Variants in BAHCC1 observed in about 807,000 individuals in gnomAD.
BAHCC1 encodes the protein BAH domain and coiled-coil containing 1, also known as BAH and coiled-coil domain-containing protein 1.
Under a neutral mutation model 88.2 loss-of-function variants are expected in BAHCC1, and 43 were observed. The ratio of observed to expected loss-of-function variants is 0.49; its 90% CI spans 0.38 to 0.63. The LOEUF is 0.63. Among genes scored for constraint, BAHCC1 ranks in the 20% least tolerant of loss-of-function variants. The pLI is 0.00. For missense variants in BAHCC1, 3,023 were observed against 1,654.8 expected, an observed-to-expected ratio of 1.83 and a Z score of -14.34; for synonymous variants, 1,510 against 745.5, an observed-to-expected ratio of 2.03 and a Z score of -16.71.
chr17:81,463,589 G>GC (rs782249828), intron 27 of BAHCC1, 22 bp from the exon 28 acceptor site: 18 of 778,618 alleles, frequency 2.3e-5, no homozygotes, highest in Non-Finnish European at 3.8e-5. Context: ...GGCCACTGAT[G>GC]CCCCGCGCGC....
intron 1 of BAHCC1, among the ~76,000 whole-genome samples, chr17:81,398,535 G>T (rs1419599080): frequency 6.6e-6 from 1 of 152,208 alleles, no homozygotes; most frequent in African/African-American, 2.4e-5. Context: ...CGCGGTCCCC[G>T]GCAGGCGCTG....
At chr17:81,400,191 C>T (rs1300151733) in intron 2 of BAHCC1, among the ~76,000 whole-genome samples, 2 of 152,168 alleles carry the variant, frequency 1.3e-5, no homozygotes, top group Admixed American at 1.3e-4. Flanking sequence ...CGCGCCTCGC[C>T]ACCCTCCCCC....
At position 81,424,570 on chromosome 17, in the gene BAHCC1, T is replaced by G. The variant is rs557182597; in HGVS notation, c.179-2230T>G. On this transcript the variant is annotated intron_variant, in intron 2 of 27. Transcript: ENST00000675386. ...GATTGGTGATTGATGATGATATGGT[T>G]GTTGTGGTTGGTGATGGTGGTGGTG... Among the ~76,000 whole-genome samples the G allele has an allele frequency of 8.5e-5, 13 of 152,172 alleles. No individual in the cohort carries two copies. The South Asian group carries it at 1.9e-3, about 22-fold the overall frequency.
In BAHCC1 at chr17:81,399,010, T is replaced by A. The variant is rs1037866849; in HGVS notation, c.-206-524T>A. Among the ~76,000 whole-genome samples the A allele has an allele frequency of 2.6e-5, 4 of 151,288 alleles. No homozygotes were observed. Among genetic ancestry groups the A allele is most frequent in the Non-Finnish European group, 2.9e-5 (2 of 67,902 alleles). On this transcript the variant is annotated intron_variant, in intron 1 of 27. Coordinates refer to ENST00000675386, the MANE Select transcript of BAHCC1 (RefSeq NM_001377448.1). The surrounding 1 kb of genome is among the most constrained non-coding windows in gnomAD (Gnocchi z 4.5). ...AGCATGGTTATTCGGTTAAGCGGAA[T>A]GCAGTAAAAGCTGGACCTCGGCATG...
Position 81,461,326 on chromosome 17 carries a change from G to A in BAHCC1, c.6663G>A (p.Lys2221=), listed in dbSNP as rs1555659273. Residue 2221 remains lysine, a synonymous_variant, in exon 26 of 28, where the codon AAG becomes AAA. Transcript: ENST00000675386. The part of the protein sequence containing the change: ...DHEGVTSPKN[K]TCKALLMGDK... ...AGGGTGTGACCTCCCCCAAGAACAA[G>A]ACCTGCAAGGCGTTGCTCATGGGGG... is the stretch of plus-strand genomic sequence containing the variant. 1.4e-6 allele frequency: 1 copy of A among 731,374 alleles called. No homozygotes were observed. The highest frequency in any genetic ancestry group is 1.5e-5 in the South Asian group (1 of 67,876). The allele number at this position is 731,374 out of a possible 1,614,324, so 45.3% of individuals were successfully genotyped here.
At chr17:81,413,347 G>A (rs528890223) in intron 2 of BAHCC1, among the ~76,000 whole-genome samples, 2 of 152,234 alleles carry the variant, frequency 1.3e-5, no homozygotes, top group South Asian at 4.1e-4. Context: ...TGGAAGCCTC[G>A]CTCCTTCTCA....
Position 81,451,744 on chromosome 17 carries a change from C to T in BAHCC1, c.4053C>T (p.Ala1351=), listed in dbSNP as rs61746096. ...TLATAWSLVE[A]AGLDSSTAPA... The stretch of plus-strand genomic sequence containing the variant: ...CCACAGCCTGGTCCCTGGTGGAGGC[C>T]GCTGGCCTGGACAGCTCCACTGCCC... Residue 1351 remains alanine (A), a synonymous_variant, in exon 12 of 28, where the codon GCC becomes GCT. Transcript: ENST00000675386. The T allele has an allele frequency of 0.19, 148,188 of 773,678 alleles. 15,552 individuals carry two copies. The highest frequency in any genetic ancestry group is 0.34 in the East Asian group (14,148 of 41,152). The allele number at this position is 773,678 out of a possible 1,614,324, so 47.9% of individuals were successfully genotyped here.
At chr17:81,419,151 G>A (rs1433599182) in intron 2 of BAHCC1, among the ~76,000 whole-genome samples, 2 of 152,178 alleles carry the variant, frequency 1.3e-5, no homozygotes, top group South Asian at 2.1e-4. Flanking sequence ...TGCACACTGG[G>A]GTGGCATGTG....
Position 81,434,640 on chromosome 17 carries a change from C to T in BAHCC1, c.359-3730C>T, listed in dbSNP as rs1255972715. Among the ~76,000 whole-genome samples, 2 of 152,078 alleles carry T rather than the reference C, an allele frequency of 1.3e-5. No homozygotes were observed. Among genetic ancestry groups the T allele is most frequent in the African/African-American group, 4.8e-5 (2 of 41,396 alleles). On this transcript the variant is annotated intron_variant, in intron 3 of 27. Transcript: ENST00000675386. This position sits in a 1 kb window ranked among gnomAD's most constrained non-coding sequence, Gnocchi z 4.9. ...GGTCCTTCTGCTGGCTGGCGTCCCT[C>T]CCTCCTAGACCTGGCCGTGAAGATA...
chr17:81,417,555 A>ACCCCCCCCCCC (rs58215427), intron 2 of BAHCC1, among the ~76,000 whole-genome samples: 6 of 131,410 alleles, frequency 4.6e-5, no homozygotes, highest in African/African-American at 1.6e-4. Flanking sequence ...AGCGTCGGCC[A>ACCCCCCCCCCC]CCCCCCCCCC....
In BAHCC1 at chr17:81,461,529, A is replaced by G; in HGVS notation, c.6866A>G (p.His2289Arg). The G allele has an allele frequency of 1.4e-6, 1 of 736,996 alleles. No homozygotes were observed. 45.7% of individuals were successfully genotyped at this position (736,996 alleles called of 1,614,324 possible). ...CCGCTGCCCTACGACAGCGACTGCC[A>G]CAGCTCCTTCTCGGACGAGGACGAG... Reference protein sequence around the residue: ...EFPLPYDSDCHSSFSDEDEDG... With the variant: ...EFPLPYDSDCRSSFSDEDEDG... The change falls in exon 26 of 28, where the codon CAC becomes CGC. Residue 2289 changes from histidine to arginine, a missense_variant. Physicochemically the swap from His to Arg is conservative, Grantham distance 29. Transcript: ENST00000675386.
Position 81,442,454 on chromosome 17 carries a change from C to G in BAHCC1, c.1105C>G (p.Leu369Val), listed in dbSNP as rs771421948. 366 of 714,094 alleles carry G rather than the reference C, an allele frequency of 5.1e-4. No individual in the cohort carries two copies. The highest frequency in any genetic ancestry group is 8.4e-4 in the Non-Finnish European group (324 of 385,292). 44.2% of individuals were successfully genotyped at this position (714,094 alleles called of 1,614,324 possible). The change falls in exon 5 of 28, where the codon CTG (leucine) becomes GTG (valine). Residue 369 changes from leucine (L) to valine (V), a missense_variant. Coordinates refer to ENST00000675386, the MANE Select transcript of BAHCC1 (RefSeq NM_001377448.1). ...CGCCGGCTCCTTCCCCTGCCTGCAG[C>G]TGCACGGGGGCCCTGACGGGCTCTG... ...TAAGSFPCLQ[L>V]HGGPDGLCPL...
At chr17:81,397,469 G>A (rs1371884496) in intron 1 of BAHCC1, among the ~76,000 whole-genome samples, 1 of 150,962 alleles carries the variant, frequency 6.6e-6, no homozygotes, top group African/African-American at 2.4e-5. Context: ...CAGGAAGCCT[G>A]GCACCCCCGC....
rs1311353342 is a variant in BAHCC1 at position 81,442,748 on chromosome 17, G to A, written c.1399G>A (p.Gly467Ser). ...GGCGGCCCTCAACCCCCGGCTAAAG[G>A]GCCTCGACTATCTCAGCAGCGCAGG... ...FEAALNPRLK[G>S]LDYLSSAGPE... Residue 467 changes from glycine to serine, a missense_variant, in exon 5 of 28, where the codon GGC (glycine) becomes AGC (serine). By Grantham distance (56) the Gly-to-Ser change is moderately conservative. Transcript: ENST00000675386. 5.1e-6 allele frequency: 4 copies of A among 778,724 alleles called. No individual in the cohort carries two copies. Among genetic ancestry groups the A allele is most frequent in the Admixed American group, 3.4e-5 (2 of 58,918 alleles). 48.2% of individuals were successfully genotyped at this position (778,724 alleles called of 1,614,324 possible).
At chr17:81,405,598 T>G (rs1429059943) in intron 2 of BAHCC1, among the ~76,000 whole-genome samples, 1 of 152,192 alleles carries the variant, frequency 6.6e-6, no homozygotes, top group African/African-American at 2.4e-5. Flanking sequence ...CCCGAGACTG[T>G]CCATGTCCCT....
chr17:81,460,078 C>T (rs1317228831), intron 23 of BAHCC1, among the ~76,000 whole-genome samples, 199 bp from the exon 24 acceptor site: 1 of 152,112 alleles, frequency 6.6e-6, no homozygotes. Context: ...GTGACGGTGG[C>T]ATCACATGGG....
intron 2 of BAHCC1, among the ~76,000 whole-genome samples, chr17:81,416,619 T>C (rs1282580344): frequency 3.3e-5 from 5 of 151,684 alleles, no homozygotes; most frequent in African/African-American, 1.2e-4. Context: ...TACGTGTGTG[T>C]GTCCATGAGG....
Position 81,458,552 on chromosome 17 carries a change from C to T in BAHCC1, c.5344-69C>T, listed in dbSNP as rs2029942746. On this transcript the variant is annotated intron_variant, in intron 18 of 27. Coordinates refer to ENST00000675386, the MANE Select transcript of BAHCC1 (RefSeq NM_001377448.1). ...CCCGCCCTCCCCCGCACGCTGGCCC[C>T]TGAGCTCTGGGTCAACCTGAGGCTG... is the stretch of plus-strand genomic sequence containing the variant. The T allele has an allele frequency of 1.4e-5, 8 of 580,096 alleles. No individual in the cohort carries two copies. The South Asian group carries it at 1.5e-4, about 11-fold the overall frequency. 35.9% of individuals were successfully genotyped at this position (580,096 alleles called of 1,614,324 possible).
intron 2 of BAHCC1, among the ~76,000 whole-genome samples, chr17:81,404,814 C>T (rs552740722): frequency 3.3e-5 from 5 of 152,212 alleles, no homozygotes; most frequent in East Asian, 1.9e-4. Context: ...CACCTCTGTC[C>T]CCTGGCGGGC....
Sources: gnomAD v4.1 joint callset for allele counts (sites outside exome capture counted in the v4.1 genomes callset) on GRCh38, gnomAD v4.1.1 for gene constraint, Gnocchi (gnomAD v3.1) non-coding constraint, MANE v1.5 for transcripts, NCBI Gene and HGNC (gene_info 2026-07-23, HGNC 2026-07-21) for gene names.